RIF1: variants seen among roughly 807,000 people sequenced by gnomAD.
RIF1 encodes telomere-associated protein RIF1.
Under a neutral mutation model 247.1 loss-of-function variants are expected in RIF1, and 45 were observed. That is an observed-to-expected ratio of 0.18 (90% CI 0.14 to 0.23). The LOEUF is 0.23. Ranked by LOEUF, RIF1 falls within the 10% of genes least tolerant of loss-of-function variation. The pLI is 1.00. For synonymous variants in RIF1, 1,087 were observed against 978.8 expected (o/e 1.11, Z -2.06); for missense variants, 2,967 against 2,862.5 (o/e 1.04, Z -0.83).
At chr2:151,441,644 T>C (rs1323393002) in intron 15 of RIF1, among the ~76,000 whole-genome samples, 1 of 152,166 alleles carries the variant, frequency 6.6e-6, no homozygotes, top group Non-Finnish European at 1.5e-5. Context: ...TCTAGGAAAA[T>C]AGACTCTGAA....
At chr2:151,492,343 A>T (rs1309017865) in intron 9 of RIF1, 32 of 1,590,260 alleles carry the variant, frequency 2.0e-5, no homozygotes, top group Non-Finnish European at 2.7e-5. Context: ...CTTTTTACAC[A>T]TTCTGACAGG....
At position 151,465,004 on chromosome 2, in the gene RIF1, T is replaced by G; in HGVS notation, c.5484T>G (p.Pro1828=). The G allele has an allele frequency of 1.3e-6, 2 of 1,578,154 alleles. No homozygotes were observed. Among genetic ancestry groups the G allele is most frequent in the Non-Finnish European group, 1.7e-6 (2 of 1,169,928 alleles). The change falls in exon 30 of 36, where the codon CCT becomes CCG. Residue 1828 remains proline, a synonymous_variant. Coordinates refer to ENST00000444746, the MANE Select transcript of RIF1 (RefSeq NM_018151.5). ...SKENTMQESL[P]SGIVNFREEI... is the part of the protein sequence containing the mutation. The stretch of plus-strand genomic sequence containing the variant: ...AAAACACTATGCAAGAATCTCTTCC[T>G]TCTGGAATAGTAAACTTTAGAGAGG...
downstream of RIF1, chr2:151,483,256 T>G (rs931928781): frequency 6.6e-6 from 1 of 152,104 alleles, no homozygotes; most frequent in East Asian, 1.9e-4. Context: ...ACAAAGGACT[T>G]CCCTAGTATC....
chr2:151,497,442 G>A, intron 10 of RIF1: 1 of 980,866 alleles, frequency 1.0e-6, no homozygotes, highest in Non-Finnish European at 1.2e-6. Flanking sequence ...GAAATTAACT[G>A]TATTATAGAA....
chr2:151,469,896 TTAA>T (rs756385260), intron 34 of RIF1, 32 bp downstream of exon 34: 2 of 1,500,958 alleles, frequency 1.3e-6, no homozygotes, highest in South Asian at 1.2e-5. Flanking sequence ...ATGATGTATA[TTAA>T]TAAATGATGT....
chr2:151,460,134 G>C lies in RIF1; in HGVS notation c.3075+15G>C. 2 of 1,506,026 alleles carry C rather than the reference G, an allele frequency of 1.3e-6. No individual in the cohort carries two copies. Among genetic ancestry groups the C allele is most frequent in the Non-Finnish European group, 1.8e-6 (2 of 1,113,526 alleles). The allele number at this position is 1,506,026 out of a possible 1,614,324, so 93.3% of individuals were successfully genotyped here. On this transcript the variant is annotated intron_variant, in intron 26 of 35. Transcript: ENST00000444746. ...CAGCAGCCAAAGTATGTTTTCAAAA[G>C]TTTAATCAAAAATTTTAAGATAAAG...
intron 1 of RIF1, 54 bp downstream of exon 1, chr2:151,410,087 C>T (rs1558918443): frequency 8.6e-6 from 6 of 698,244 alleles, no homozygotes; most frequent in Admixed American, 6.0e-5. Flanking sequence ...CTCAGTCTGC[C>T]CACCCTCCGC....
chr2:151,447,701 A>G (rs1693565735), intron 20 of RIF1, among the ~76,000 whole-genome samples: 2 of 152,090 alleles, frequency 1.3e-5, no homozygotes, highest in African/African-American at 2.4e-5. Context: ...GCACACCATC[A>G]TGCCCAGCTA....
chr2:151,503,280 A>T (rs2066132251), intron 12 of RIF1: 7 of 1,194,898 alleles, frequency 5.9e-6, no homozygotes, highest in Admixed American at 1.8e-5. Context: ...TACTTTCTTT[A>T]AAAAAGATGG....
In RIF1 at chr2:151,464,299, A is replaced by G; in HGVS notation, c.4779A>G (p.Glu1593=). 6.2e-7 allele frequency: 1 copy of G among 1,613,284 alleles called. No individual in the cohort carries two copies. Among genetic ancestry groups the G allele is most frequent in the Non-Finnish European group, 8.5e-7 (1 of 1,179,828 alleles). The change falls in exon 30 of 36, where the codon GAA becomes GAG. Residue 1593 remains glutamate (E), a synonymous_variant. Transcript: ENST00000444746. ...AAGAAGAGAAAGTGGTGAAACAGGA[A>G]TGTATAAAAGCTGAAAATCAGTCAC... ...QDQEEKVVKQ[E]CIKAENQSHD...
rs201753159 is a variant in RIF1, at chr2:151,464,926, G to A, written c.5406G>A (p.Glu1802=). 8 of 1,575,004 alleles carry A rather than the reference G, an allele frequency of 5.1e-6. No homozygotes were observed. The highest frequency in any genetic ancestry group is 4.3e-6 in the Non-Finnish European group (5 of 1,167,066). The change falls in exon 30 of 36, where the codon GAG becomes GAA. Residue 1802 remains glutamate, a synonymous_variant. Coordinates refer to ENST00000444746, the MANE Select transcript of RIF1 (RefSeq NM_018151.5). The part of the protein sequence containing the change: ...HSVNFHLGLK[E]DNDTINDSLI... Reference sequence around the variant, plus strand: ...TGAATTTTCATTTGGGTCTCAAAGAGGATAATGATACTATTAATGATTCAT... The same window carrying A: ...TGAATTTTCATTTGGGTCTCAAAGAAGATAATGATACTATTAATGATTCAT...
intron 22 of RIF1, among the ~76,000 whole-genome samples, chr2:151,456,366 A>G (rs1007210518): frequency 2.6e-5 from 4 of 152,206 alleles, no homozygotes; most frequent in African/African-American, 9.6e-5. Context: ...TTTATTGTAG[A>G]TATTTTCTGT....
At chr2:151,514,920 A>T in the RIF1 span, 4 of 1,559,634 alleles carry the variant, frequency 2.6e-6, no homozygotes, top group Non-Finnish European at 3.5e-6. Context: ...AATCTTTCCT[A>T]TATTCTTTCT....
intron 10 of RIF1, chr2:151,497,871 G>C: frequency 2.0e-6 from 3 of 1,504,970 alleles, no homozygotes; most frequent in Non-Finnish European, 1.8e-6. Context: ...AGCTGTTGTT[G>C]GGATAGGGAA....
chr2:151,462,752 G>A (rs1273731347), intron 29 of RIF1, 132 bp from the exon 30 acceptor site: 9 of 663,672 alleles, frequency 1.4e-5, no homozygotes, highest in Non-Finnish European at 1.8e-5. Flanking sequence ...CTTTGGAATA[G>A]TTGCCATATA....
the RIF1 span, among the ~76,000 whole-genome samples, chr2:151,523,108 T>C: frequency 6.6e-6 from 1 of 151,820 alleles, no homozygotes; most frequent in Non-Finnish European, 1.5e-5. Context: ...ACCTTGTACA[T>C]TTAAAAACAT....
At chr2:151,512,363 T>C (rs1485419789), downstream of RIF1, among the ~76,000 whole-genome samples, 1 of 151,276 alleles carries the variant, frequency 6.6e-6, no homozygotes, top group East Asian at 1.9e-4. Context: ...AGTCTCACCC[T>C]GTCACCCAGG....
chr2:151,517,624 C>T, the RIF1 span, among the ~76,000 whole-genome samples: 5 of 152,252 alleles, frequency 3.3e-5, no homozygotes, highest in African/African-American at 1.2e-4. Flanking sequence ...ATGGTATAGC[C>T]TACTACACAC....
chr2:151,519,778 A>G, the RIF1 span: 12 of 1,530,706 alleles, frequency 7.8e-6, no homozygotes, highest in Non-Finnish European at 1.1e-5. Flanking sequence ...CCTAACAGCA[A>G]ATGCAAACAT....
Sources: gnomAD v4.1 joint callset for allele counts (sites outside exome capture counted in the v4.1 genomes callset) on GRCh38, gnomAD v4.1.1 for gene constraint, MANE v1.5 for transcripts, NCBI Gene and HGNC (gene_info 2026-07-23, HGNC 2026-07-21) for gene names.